The following GMDS variants were observed in gnomAD, a reference collection of about 807,000 sequenced individuals.
The protein encoded by GMDS is GDP-mannose 4,6-dehydratase.
Under a neutral mutation model 49.9 loss-of-function variants are expected in GMDS, and 20 were observed. The observed-to-expected ratio is 0.40, with a 90% CI of 0.28 to 0.58. GMDS has a LOEUF of 0.58. Ranked by LOEUF, GMDS falls within the 20% of genes least tolerant of loss-of-function variation. The pLI is 0.42. For synonymous variants in GMDS, 177 were observed against 178.6 expected (o/e 0.99, Z 0.07); for missense variants, 362 against 481.4 (o/e 0.75, Z 2.32).
intron 9 of GMDS, among the ~76,000 whole-genome samples, chr6:1,659,581 C>A (rs1763999614): frequency 6.6e-6 from 1 of 152,150 alleles, no homozygotes; most frequent in South Asian, 2.1e-4. Flanking sequence ...AGGTTGGCAG[C>A]TGGGTGATAG....
At chr6:1,765,798 G>A (rs937423958) in intron 7 of GMDS, among the ~76,000 whole-genome samples, 5 of 152,156 alleles carry the variant, frequency 3.3e-5, no homozygotes, top group Admixed American at 3.3e-4. Context: ...ACTCCCCGAT[G>A]GAGGGTTAGG....
intron 1 of GMDS, among the ~76,000 whole-genome samples, chr6:2,234,357 G>T (rs1239202213): frequency 6.6e-6 from 1 of 152,066 alleles, no homozygotes; most frequent in African/African-American, 2.4e-5. Context: ...ATCAAAACAA[G>T]ATCCTACTGG....
intron 9 of GMDS, among the ~76,000 whole-genome samples, chr6:1,644,244 C>G (rs796332213): frequency 1.1e-4 from 17 of 152,184 alleles, no homozygotes; most frequent in African/African-American, 3.9e-4. Flanking sequence ...TCCACCCGAG[C>G]GAACGTGTGA....
At chr6:1,909,069 G>A (rs549843358) in intron 7 of GMDS, among the ~76,000 whole-genome samples, 23 of 152,258 alleles carry the variant, frequency 1.5e-4, no homozygotes, top group African/African-American at 5.1e-4. Context: ...TAGTCACACC[G>A]GTCAAGTTAT....
chr6:2,117,619 T>C, intron 2 of GMDS, 63 bp from the exon 3 acceptor site: 1 of 836,904 alleles, frequency 1.2e-6, no homozygotes, highest in Non-Finnish European at 2.1e-6. Flanking sequence ...CTTCTTTAGC[T>C]AATGTTTAGC....
At chr6:1,810,402 C>T (rs932693091) in intron 7 of GMDS, among the ~76,000 whole-genome samples, 1 of 152,162 alleles carries the variant, frequency 6.6e-6, no homozygotes, top group Non-Finnish European at 1.5e-5. Context: ...CCTGCCTTGG[C>T]CTCCTGAGTA....
At chr6:1,697,784 G>T (rs1017097396) in intron 9 of GMDS, among the ~76,000 whole-genome samples, 3 of 152,208 alleles carry the variant, frequency 2.0e-5, no homozygotes, top group African/African-American at 7.2e-5. Context: ...AGTCAGACTA[G>T]ATGCCAAGGA....
intron 1 of GMDS, among the ~76,000 whole-genome samples, chr6:2,183,920 T>C (rs1423474695): frequency 6.6e-6 from 1 of 152,230 alleles, no homozygotes; most frequent in Non-Finnish European, 1.5e-5. Flanking sequence ...ATTTTTTAGA[T>C]ATAATGCTAC....
At chr6:2,100,527 G>A (rs750195298) in intron 4 of GMDS, among the ~76,000 whole-genome samples, 13 of 151,904 alleles carry the variant, frequency 8.6e-5, no homozygotes, top group Non-Finnish European at 1.8e-4. Context: ...AAGGTCTAAC[G>A]TCACAATACA....
chr6:1,855,036 G>A (rs1290632595), intron 7 of GMDS, among the ~76,000 whole-genome samples: 1 of 152,174 alleles, frequency 6.6e-6, no homozygotes, highest in African/African-American at 2.4e-5. Context: ...TGGTAGATAA[G>A]CACTTGGCAT....
chr6:1,864,131 A>G (rs1581271028), intron 7 of GMDS, among the ~76,000 whole-genome samples: 1 of 152,194 alleles, frequency 6.6e-6, no homozygotes, highest in South Asian at 2.1e-4. Flanking sequence ...AAAACATTAT[A>G]AATATCAAGA....
At chr6:1,961,105 C>T (rs1297971927) in intron 4 of GMDS, 139 bp from the exon 5 acceptor site, 5 of 494,640 alleles carry the variant, frequency 1.0e-5, no homozygotes, top group South Asian at 4.7e-5. Flanking sequence ...ACAATAAGAA[C>T]GTGGATGTCA....
chr6:1,658,959 C>T (rs949663941), intron 9 of GMDS, among the ~76,000 whole-genome samples: 1 of 152,214 alleles, frequency 6.6e-6, no homozygotes, highest in African/African-American at 2.4e-5. Context: ...ATGTAGAAGT[C>T]ACGTGAGGCA....
intron 1 of GMDS, among the ~76,000 whole-genome samples, chr6:2,228,832 A>T (rs535996871): frequency 1.4e-4 from 21 of 152,212 alleles, no homozygotes; most frequent in Admixed American, 2.6e-4. Flanking sequence ...GACAGCTTCA[A>T]CAAGTGGGAT....
chr6:1,849,209 A>G (rs1470889644), intron 7 of GMDS, among the ~76,000 whole-genome samples: 3 of 152,242 alleles, frequency 2.0e-5, no homozygotes, highest in South Asian at 2.1e-4. Flanking sequence ...ATACACTTCT[A>G]TTATGTATAA....
At chr6:1,719,622 T>TAAAA (rs10667150) in intron 9 of GMDS, among the ~76,000 whole-genome samples, 2 of 146,418 alleles carry the variant, frequency 1.4e-5, no homozygotes, top group Non-Finnish European at 3.0e-5. Flanking sequence ...CTGATTTGTT[T>TAAAA]AAAAAAAAAA....
intron 4 of GMDS, among the ~76,000 whole-genome samples, chr6:2,108,884 C>T (rs1215441986): frequency 6.6e-6 from 1 of 152,086 alleles, no homozygotes; most frequent in Non-Finnish European, 1.5e-5. Context: ...TGGCTCTGTG[C>T]CAAAATCTTT....
At chr6:2,113,533 C>CA (rs1774671764) in intron 4 of GMDS, among the ~76,000 whole-genome samples, 1 of 151,796 alleles carries the variant, frequency 6.6e-6, no homozygotes, top group South Asian at 2.1e-4. Context: ...CAAGTTTTCC[C>CA]ACTTCTCTTT....
chr6:1,963,266 T>C (rs1262337315), intron 4 of GMDS, among the ~76,000 whole-genome samples: 4 of 152,054 alleles, frequency 2.6e-5, no homozygotes, highest in Non-Finnish European at 1.5e-5. Context: ...TAGCAAACTA[T>C]AGCCTCAAAA....
Sources: gnomAD v4.1 joint callset for allele counts (sites outside exome capture counted in the v4.1 genomes callset) on GRCh38, gnomAD v4.1.1 for gene constraint, MANE v1.5 for transcripts, NCBI Gene and HGNC (gene_info 2026-07-23, HGNC 2026-07-21) for gene names.